SMC1B: variants seen among roughly 807,000 people sequenced by gnomAD.
The protein encoded by SMC1B is structural maintenance of chromosomes protein 1B.
In SMC1B, 60 loss-of-function variants were observed where a neutral mutation model predicts 157.9. The ratio of observed to expected loss-of-function variants is 0.38; its 90% CI spans 0.31 to 0.47. SMC1B has a LOEUF of 0.47. SMC1B is among the 20% of genes least tolerant of loss of function. The probability of loss-of-function intolerance (pLI) is 0.99; values close to 1 mark genes in which losing one functional copy is unlikely to be tolerated. For missense variants in SMC1B, 1,165 were observed against 1,426.2 expected (o/e 0.82, Z 2.95); for synonymous variants, 445 against 483.0 (o/e 0.92, Z 1.03).
intron 11 of SMC1B, among the ~76,000 whole-genome samples, chr22:45,385,342 GA>G (rs1233703048): frequency 5.3e-5 from 8 of 151,966 alleles, no homozygotes; most frequent in African/African-American, 1.9e-4. Flanking sequence ...TGCAATGTTT[GA>G]CTAAAGAAAA....
At chr22:45,406,731 A>G (rs774891262) in intron 3 of SMC1B, 22 bp downstream of exon 3, 5 of 1,584,326 alleles carry the variant, frequency 3.2e-6, no homozygotes, top group Middle Eastern at 3.4e-4. Context: ...TCTGAATCAA[A>G]TAAACTACTA....
At chr22:45,384,303 C>T (rs550595919) in intron 11 of SMC1B, among the ~76,000 whole-genome samples, 1 of 152,250 alleles carries the variant, frequency 6.6e-6, no homozygotes, top group East Asian at 1.9e-4. Context: ...CCCCAGTTTG[C>T]CATTTTTCTT....
chr22:45,362,838 G>A (rs1295272796), intron 16 of SMC1B, 47 bp downstream of exon 16: 17 of 1,512,874 alleles, frequency 1.1e-5, no homozygotes, highest in Non-Finnish European at 1.4e-5. Context: ...CATGAAGGAA[G>A]TCATAATTTC....
chr22:45,407,426 A>G lies in SMC1B; in HGVS notation c.299-561T>C, dbSNP rs528178104. Among the ~76,000 whole-genome samples the G allele has an allele frequency of 7.2e-5, 11 of 152,246 alleles. No homozygotes were observed. The East Asian group carries it at 2.1e-3, about 29-fold the overall frequency. On this transcript the variant is annotated intron_variant, in intron 2 of 24. Coordinates refer to ENST00000357450, the MANE Select transcript of SMC1B (RefSeq NM_148674.5). ...TCAGTCATCCCTCTGCTCACCTGAG[A>G]TAAATGTATATCTGATTGTCTCCTC...
chr22:45,346,769 G>A (rs369542400), intron 23 of SMC1B, among the ~76,000 whole-genome samples: 92 of 152,296 alleles, frequency 6.0e-4, no homozygotes, highest in African/African-American at 2.1e-3. Flanking sequence ...CAGGGCATGC[G>A]TTTTTCCTGG....
chr22:45,409,593 TAAATAAATAAATAAATA>T lies in SMC1B; in HGVS notation c.110-712_110-696del, dbSNP rs1364456019. ...ATAAATAAATAAATAAATAAATAAA[TAAATAAATAAATAAATA>T]AAAACAAGAGAAGCTAACTAAATCC... On this transcript the variant is annotated intron_variant, in intron 1 of 24. Coordinates refer to ENST00000357450, the MANE Select transcript of SMC1B (RefSeq NM_148674.5). Among the ~76,000 whole-genome samples, 685 of 80,282 alleles carry T rather than the reference TAAATAAATAAATAAATA, an allele frequency of 8.5e-3. 9 individuals carry two copies. The highest frequency in any genetic ancestry group is 0.075 in the African/African-American group (625 of 8,366). The allele number at this position is 80,282 out of a possible 152,430, so 52.7% of individuals were successfully genotyped here.
chr22:45,354,543 A>T (rs1379137957), intron 20 of SMC1B, among the ~76,000 whole-genome samples: 1 of 152,022 alleles, frequency 6.6e-6, no homozygotes, highest in Non-Finnish European at 1.5e-5. Context: ...GGTGTGTGCC[A>T]CCACACCCAA....
intron 1 of SMC1B, 108 bp from the exon 2 acceptor site, chr22:45,409,006 T>A: frequency 1.6e-6 from 1 of 625,134 alleles, no homozygotes; most frequent in Non-Finnish European, 2.7e-6. Flanking sequence ...CCAAAAGACA[T>A]GTCCTTTTTA....
intron 9 of SMC1B, among the ~76,000 whole-genome samples, chr22:45,392,483 G>A (rs1412140247): frequency 6.9e-6 from 1 of 145,264 alleles, no homozygotes; most frequent in Non-Finnish European, 1.5e-5. Flanking sequence ...TTAACTAGTT[G>A]TGTGTGTGTG....
intron 9 of SMC1B, among the ~76,000 whole-genome samples, chr22:45,392,542 G>T (rs9614658): frequency 6.7e-6 from 1 of 150,072 alleles, no homozygotes; most frequent in Admixed American, 6.7e-5. Flanking sequence ...GGGGGATCTA[G>T]ATTTTGTGAC....
In SMC1B at chr22:45,361,823, A is replaced by G; in HGVS notation, c.2708+16T>C. 2 of 1,610,680 alleles carry G rather than the reference A, an allele frequency of 1.2e-6. No individual in the cohort carries two copies. Among genetic ancestry groups the G allele is most frequent in the Non-Finnish European group, 1.7e-6 (2 of 1,178,668 alleles). On this transcript the variant is annotated intron_variant, in intron 17 of 24. Transcript: ENST00000357450. Reference sequence around the variant, plus strand: ...AACTCTGACTAGGTCTTTCAAACTGATGAAGTCTTAATTACCTATCAACAG... The same window carrying G: ...AACTCTGACTAGGTCTTTCAAACTGGTGAAGTCTTAATTACCTATCAACAG...
intron 14 of SMC1B, 85 bp downstream of exon 14, chr22:45,371,386 T>C (rs1431550860): frequency 1.4e-6 from 2 of 1,419,522 alleles, no homozygotes; most frequent in Non-Finnish European, 1.8e-6. Context: ...CAACCTTTGC[T>C]TTAGCATATA....
At chr22:45,367,563 C>A (rs1037749126) in intron 15 of SMC1B, among the ~76,000 whole-genome samples, 13 of 152,204 alleles carry the variant, frequency 8.5e-5, no homozygotes, top group African/African-American at 2.2e-4. Flanking sequence ...AGCAGAGTTT[C>A]CTGGACTGGG....
chr22:45,370,664 C>T (rs1229886766), intron 14 of SMC1B, among the ~76,000 whole-genome samples: 1 of 152,102 alleles, frequency 6.6e-6, no homozygotes, highest in Non-Finnish European at 1.5e-5. Context: ...TAGTAAGCTA[C>T]AGTTAGCATG....
chr22:45,413,018 C>T (rs2087365506), intron 1 of SMC1B, among the ~76,000 whole-genome samples: 1 of 151,796 alleles, frequency 6.6e-6, no homozygotes, highest in African/African-American at 2.4e-5. Flanking sequence ...GGGCCCAGGG[C>T]GGGACCGGGG....
chr22:45,393,486 A>G, intron 9 of SMC1B, 148 bp downstream of exon 9: 1 of 616,242 alleles, frequency 1.6e-6, no homozygotes, highest in Non-Finnish European at 2.8e-6. Context: ...TTTAAATATA[A>G]AGAGTCAAAC....
intron 19 of SMC1B, among the ~76,000 whole-genome samples, chr22:45,358,452 G>A (rs2086689989): frequency 6.6e-6 from 1 of 152,116 alleles, no homozygotes; most frequent in African/African-American, 2.4e-5. Context: ...TGTCAGAATT[G>A]AACTTAATTG....
chr22:45,359,710 CT>C (rs2086702455), intron 18 of SMC1B, 94 bp downstream of exon 18: 1 of 1,384,152 alleles, frequency 7.2e-7, no homozygotes, highest in South Asian at 1.4e-5. Context: ...TTCACCACCC[CT>C]AAAGGGGCTA....
chr22:45,394,968 T>C (rs919781584), intron 7 of SMC1B, among the ~76,000 whole-genome samples: 1 of 152,248 alleles, frequency 6.6e-6, no homozygotes, highest in African/African-American at 2.4e-5. Flanking sequence ...ATTTGATCTC[T>C]AGCGATTTCT....
Sources: gnomAD v4.1 joint callset for allele counts (sites outside exome capture counted in the v4.1 genomes callset) on GRCh38, gnomAD v4.1.1 for gene constraint, MANE v1.5 for transcripts, NCBI Gene and HGNC (gene_info 2026-07-23, HGNC 2026-07-21) for gene names.